RFTN2: variants seen among roughly 807,000 people sequenced by gnomAD.
RFTN2 encodes the protein raftlin-2.
RFTN2 carries 34 observed loss-of-function variants against 52.7 expected under a neutral mutation model. The ratio of observed to expected loss-of-function variants is 0.64; its 90% CI spans 0.49 to 0.86. The LOEUF is 0.86. RFTN2 is among the 40% of genes least tolerant of loss of function. The pLI, the probability that RFTN2 is intolerant of heterozygous loss-of-function variation, is 0.00. For synonymous variants in RFTN2, 203 were observed against 217.7 expected (o/e 0.93, Z 0.59); for missense variants, 536 against 600.1 (o/e 0.89, Z 1.12).
intron 6 of RFTN2, among the ~76,000 whole-genome samples, chr2:197,616,231 G>A (rs1332043847): frequency 8.2e-6 from 1 of 121,832 alleles, no homozygotes; most frequent in Non-Finnish European, 1.8e-5. Context: ...AGTGGTTCTC[G>A]AAATTTAATA....
rs1210033301 is a variant in RFTN2 at position 197,670,379 on chromosome 2, A to T, written c.139+4941T>A. ...TTGTAGTGCCTCATGATGCACATGT[A>T]CACTCATTTCTGTTGGGTATATCTT... On this transcript the variant is annotated intron_variant, in intron 1 of 8. Transcript: ENST00000295049. Among the ~76,000 whole-genome samples, 4 of 152,316 alleles carry T rather than the reference A, an allele frequency of 2.6e-5. No individual in the cohort carries two copies. In the East Asian group the frequency reaches 7.7e-4, roughly 29 times the overall value.
At chr2:197,603,221 G>T (rs1036810214) in intron 7 of RFTN2, among the ~76,000 whole-genome samples, 1 of 152,066 alleles carries the variant, frequency 6.6e-6, no homozygotes, top group African/African-American at 2.4e-5. Flanking sequence ...AATAAAAAAA[G>T]TCTCATATTT....
intron 3 of RFTN2, among the ~76,000 whole-genome samples, chr2:197,640,167 C>A (rs2088639477): frequency 6.6e-6 from 1 of 152,238 alleles, no homozygotes; most frequent in Non-Finnish European, 1.5e-5. Flanking sequence ...ACATTTAAGT[C>A]TGCAGAGGTT....
intron 7 of RFTN2, among the ~76,000 whole-genome samples, chr2:197,605,350 G>A (rs1269005658): frequency 2.0e-5 from 3 of 151,708 alleles, no homozygotes; most frequent in Non-Finnish European, 4.4e-5. Flanking sequence ...CAAGTAGCTG[G>A]GACTACAGGC....
At chr2:197,610,356 G>A (rs1559348085) in intron 7 of RFTN2, among the ~76,000 whole-genome samples, 1 of 152,062 alleles carries the variant, frequency 6.6e-6, no homozygotes, top group Non-Finnish European at 1.5e-5. Context: ...GGATTCCTAG[G>A]TATTTTATTC....
At chr2:197,597,180 C>T (rs1267384380) in intron 7 of RFTN2, among the ~76,000 whole-genome samples, 1 of 152,210 alleles carries the variant, frequency 6.6e-6, no homozygotes, top group Non-Finnish European at 1.5e-5. Context: ...AATATCAAAT[C>T]TTCCTCAAAG....
chr2:197,595,106 A>C (rs1219449005), intron 8 of RFTN2, among the ~76,000 whole-genome samples: 1 of 152,232 alleles, frequency 6.6e-6, no homozygotes, highest in African/African-American at 2.4e-5. Flanking sequence ...CCAGCTGTGC[A>C]TCCAGTAAGA....
intron 7 of RFTN2, among the ~76,000 whole-genome samples, chr2:197,611,801 G>A (rs892828800): frequency 1.3e-5 from 2 of 152,022 alleles, no homozygotes; most frequent in Non-Finnish European, 2.9e-5. Flanking sequence ...CATATATTCC[G>A]GTATGTTGTG....
At chr2:197,584,366 T>C (rs913844116) in intron 8 of RFTN2, among the ~76,000 whole-genome samples, 2 of 152,186 alleles carry the variant, frequency 1.3e-5, no homozygotes, top group African/African-American at 4.8e-5. Flanking sequence ...TCTGCATTTC[T>C]CTGATGGCCA....
chr2:197,584,936 G>T (rs569645344), intron 8 of RFTN2, among the ~76,000 whole-genome samples: 1 of 152,198 alleles, frequency 6.6e-6, no homozygotes, highest in East Asian at 1.9e-4. Flanking sequence ...ATCAGTTCTT[G>T]TTAAGAATCT....
chr2:197,645,990 C>T (rs1295391965), intron 2 of RFTN2, among the ~76,000 whole-genome samples: 1 of 151,900 alleles, frequency 6.6e-6, no homozygotes, highest in Non-Finnish European at 1.5e-5. Flanking sequence ...GGTGCCATTG[C>T]ACTCCAGCTT....
At chr2:197,588,495 G>A (rs375134037) in intron 8 of RFTN2, among the ~76,000 whole-genome samples, 3 of 152,306 alleles carry the variant, frequency 2.0e-5, no homozygotes, top group South Asian at 4.1e-4. Context: ...GGATTACAGA[G>A]GTGAGACACC....
chr2:197,603,109 A>G (rs1462103017), intron 7 of RFTN2, among the ~76,000 whole-genome samples: 2 of 152,192 alleles, frequency 1.3e-5, no homozygotes, highest in Non-Finnish European at 2.9e-5. Flanking sequence ...GCATTAGGAG[A>G]TATACCTAAT....
rs111863769 is a variant in RFTN2 at position 197,594,858 on chromosome 2, T to C, written c.1233+1133A>G. 2.4e-4 allele frequency among the ~76,000 whole-genome samples: 36 copies of C among 152,368 alleles called. 2 individuals carry two copies. Among genetic ancestry groups the C allele is most frequent in the African/African-American group, 8.4e-4 (35 of 41,592 alleles). The stretch of plus-strand genomic sequence containing the variant: ...TTAATGTGAGACAATTTAGCATGAC[T>C]GTATTATACACACAGTCAATCTAGC... On this transcript the variant is annotated intron_variant, in intron 8 of 8. Coordinates refer to ENST00000295049, the MANE Select transcript of RFTN2 (RefSeq NM_144629.3).
In RFTN2 at chr2:197,575,828, T is replaced by TATTTTATATAC. The variant is rs1489605456; in HGVS notation, c.1234-3549_1234-3548insGTATATAAAAT. On this transcript the variant is annotated intron_variant, in intron 8 of 8. Coordinates refer to ENST00000295049, the MANE Select transcript of RFTN2 (RefSeq NM_144629.3). ...TTATATACATAATATATATTCTATA[T>TATTTTATATAC]ATAATATATTATATATATTTTATAT... Among the ~76,000 whole-genome samples, 262 of 84,286 alleles carry TATTTTATATAC rather than the reference T, an allele frequency of 3.1e-3. 1 individual carries two copies. The highest frequency in any genetic ancestry group is 3.5e-3 in the Non-Finnish European group (135 of 38,802). The allele number at this position is 84,286 out of a possible 152,430, so 55.3% of individuals were successfully genotyped here. A position where few individuals can be genotyped will look rare whatever the true frequency, so the allele number is the denominator to read the frequency against.
intron 1 of RFTN2, among the ~76,000 whole-genome samples, chr2:197,655,782 C>A (rs980819450): frequency 2.0e-5 from 3 of 152,118 alleles, no homozygotes; most frequent in African/African-American, 4.8e-5. Flanking sequence ...CGATACCACA[C>A]CACTGCACTC....
chr2:197,648,066 T>C (rs974913647), intron 1 of RFTN2, among the ~76,000 whole-genome samples: 1 of 152,238 alleles, frequency 6.6e-6, no homozygotes, highest in African/African-American at 2.4e-5. Flanking sequence ...ATGAGCCTAG[T>C]TGGCTGTTGA....
intron 8 of RFTN2, among the ~76,000 whole-genome samples, chr2:197,595,376 A>C (rs1207598230): frequency 6.6e-6 from 1 of 152,218 alleles, no homozygotes; most frequent in Non-Finnish European, 1.5e-5. Context: ...GAAAAGGTTT[A>C]TTTTCAATGC....
intron 8 of RFTN2, among the ~76,000 whole-genome samples, chr2:197,577,577 C>A (rs555695315): frequency 2.0e-5 from 3 of 152,112 alleles, no homozygotes; most frequent in South Asian, 2.1e-4. Context: ...AGCAAGGATA[C>A]AGTCTTTTGG....
Sources: allele counts gnomAD v4.1 joint callset (sites outside exome capture counted in the v4.1 genomes callset), GRCh38; gene constraint gnomAD v4.1.1; transcripts MANE v1.5; gene names NCBI Gene and HGNC (gene_info 2026-07-23, HGNC 2026-07-21).